The following GUCA1C variants were observed in gnomAD, a reference collection of about 807,000 sequenced individuals.
The protein encoded by GUCA1C is guanylyl cyclase-activating protein 3.
In GUCA1C, 15 loss-of-function variants were observed where a neutral mutation model predicts 16.2. The observed-to-expected ratio is 0.93, with a 90% CI of 0.62 to 1.43. The LOEUF is 1.43. Ranked by LOEUF, GUCA1C falls within the 40% of genes most tolerant of loss-of-function variation. The pLI is 0.00. For synonymous variants in GUCA1C, 78 were observed against 85.4 expected (o/e 0.91, Z 0.48); for missense variants, 275 against 244.8 (o/e 1.12, Z -0.82).
chr3:108,917,037 G>T (rs2593940), intron 2 of GUCA1C, among the ~76,000 whole-genome samples: 92,281 of 151,970 alleles, frequency 0.61, 28,199 homozygotes, highest in Middle Eastern at 0.68. Flanking sequence ...AGTTCCAGGA[G>T]TAATCATAAT....
At chr3:108,908,801 A>G (rs971564708) in intron 3 of GUCA1C, among the ~76,000 whole-genome samples, 2 of 152,170 alleles carry the variant, frequency 1.3e-5, no homozygotes, top group African/African-American at 2.4e-5. Flanking sequence ...TTATCGCCTT[A>G]TATCCATGTG....
At chr3:108,934,615 C>A (rs916543964) in intron 1 of GUCA1C, among the ~76,000 whole-genome samples, 1 of 152,110 alleles carries the variant, frequency 6.6e-6, no homozygotes, top group Non-Finnish European at 1.5e-5. Flanking sequence ...AGGAATCAAC[C>A]TAGGTGCCCA....
chr3:108,940,868 T>G (rs1946779139), intron 1 of GUCA1C, among the ~76,000 whole-genome samples: 1 of 152,140 alleles, frequency 6.6e-6, no homozygotes, highest in African/African-American at 2.4e-5. Context: ...GCAGCATAGG[T>G]CTTGTCCCAG....
At chr3:108,946,052 A>G (rs1946841142) in intron 1 of GUCA1C, among the ~76,000 whole-genome samples, 1 of 152,236 alleles carries the variant, frequency 6.6e-6, no homozygotes, top group African/African-American at 2.4e-5. Flanking sequence ...GAGCTAATGA[A>G]GGATTCGCCA....
intron 1 of GUCA1C, among the ~76,000 whole-genome samples, chr3:108,940,692 G>C (rs1946776829): frequency 6.6e-6 from 1 of 152,214 alleles, no homozygotes; most frequent in Non-Finnish European, 1.5e-5. Context: ...ATACAAGCTT[G>C]ATAAGAAGTA....
chr3:108,925,287 T>G (rs551839296), intron 1 of GUCA1C, among the ~76,000 whole-genome samples: 1 of 152,340 alleles, frequency 6.6e-6, no homozygotes, highest in South Asian at 2.1e-4. Flanking sequence ...TTAGCACCAC[T>G]TTTGCTGTAT....
intron 1 of GUCA1C, among the ~76,000 whole-genome samples, chr3:108,934,092 C>G (rs570032874): frequency 2.3e-4 from 35 of 152,058 alleles, no homozygotes; most frequent in Non-Finnish European, 4.4e-4. Context: ...AAACCAAACA[C>G]TGCATGTTCT....
At position 108,932,781 on chromosome 3, in the gene GUCA1C, C is replaced by T. The variant is rs533102774; in HGVS notation, c.205-12196G>A. 2.5e-3 allele frequency among the ~76,000 whole-genome samples: 374 copies of T among 151,856 alleles called. 3 individuals carry two copies. The highest frequency in any genetic ancestry group is 7.9e-3 in the African/African-American group (327 of 41,426). ...TACTAAACATACAGAATTAGCCGGGCGTGGCGGCGCATGCCTGTAATCCCA... is the reference window on the plus strand; with the variant it reads ...TACTAAACATACAGAATTAGCCGGGTGTGGCGGCGCATGCCTGTAATCCCA... On this transcript the variant is annotated intron_variant, in intron 1 of 3. Coordinates refer to ENST00000261047, the MANE Select transcript of GUCA1C (RefSeq NM_005459.4).
intron 2 of GUCA1C, 43 bp downstream of exon 2, chr3:108,920,393 A>T (rs2107284168): frequency 6.6e-7 from 1 of 1,508,076 alleles, no homozygotes; most frequent in Non-Finnish European, 9.2e-7. Context: ...AATTGGGTTA[A>T]CTATATAGCG....
intron 2 of GUCA1C, among the ~76,000 whole-genome samples, chr3:108,918,654 A>G (rs559818071): frequency 4.6e-5 from 7 of 152,274 alleles, no homozygotes; most frequent in African/African-American, 1.7e-4. Context: ...AGCTGTAACT[A>G]TCTCCTTTGT....
At chr3:108,945,449 T>C (rs1946834975) in intron 1 of GUCA1C, among the ~76,000 whole-genome samples, 1 of 152,222 alleles carries the variant, frequency 6.6e-6, no homozygotes, top group Non-Finnish European at 1.5e-5. Context: ...GGAGACTTTA[T>C]ATTTTGACAC....
chr3:108,908,616 C>T (rs1462436069), intron 3 of GUCA1C, among the ~76,000 whole-genome samples: 2 of 152,186 alleles, frequency 1.3e-5, no homozygotes, highest in Non-Finnish European at 2.9e-5. Context: ...ATATTCTTCT[C>T]TCTGAAGAAA....
At chr3:108,954,458 T>C (rs571484918), upstream of GUCA1C, among the ~76,000 whole-genome samples, 2 of 152,302 alleles carry the variant, frequency 1.3e-5, no homozygotes, top group South Asian at 2.1e-4. Flanking sequence ...CCACCCTCTG[T>C]TCTTACCTTT....
intron 1 of GUCA1C, among the ~76,000 whole-genome samples, chr3:108,943,042 A>C (rs1489214633): frequency 6.6e-6 from 1 of 152,234 alleles, no homozygotes; most frequent in Admixed American, 6.5e-5. Flanking sequence ...CTTAGCTCTC[A>C]AGTTTCAAAG....
chr3:108,922,632 A>T (rs1456982603), intron 1 of GUCA1C, among the ~76,000 whole-genome samples: 1 of 151,990 alleles, frequency 6.6e-6, no homozygotes, highest in Non-Finnish European at 1.5e-5. Flanking sequence ...GGCCATGTGT[A>T]TATCTTCTTT....
intron 1 of GUCA1C, among the ~76,000 whole-genome samples, chr3:108,927,467 T>C (rs976954778): frequency 6.1e-5 from 9 of 147,704 alleles, no homozygotes; most frequent in African/African-American, 2.3e-4. Flanking sequence ...CTGATTGGGT[T>C]AATTCAAAAG....
At chr3:108,923,954 C>A (rs903863164) in intron 1 of GUCA1C, among the ~76,000 whole-genome samples, 3 of 152,076 alleles carry the variant, frequency 2.0e-5, no homozygotes, top group African/African-American at 4.8e-5. Flanking sequence ...TCAGCTTGAT[C>A]GCTGTTGGTG....
At chr3:108,914,848 T>G (rs1169495369) in intron 3 of GUCA1C, among the ~76,000 whole-genome samples, 2 of 152,228 alleles carry the variant, frequency 1.3e-5, no homozygotes, top group Non-Finnish European at 2.9e-5. Context: ...CTCTGGTCCT[T>G]TCCTGGCTGC....
At chr3:108,941,791 G>A (rs1373330368) in intron 1 of GUCA1C, among the ~76,000 whole-genome samples, 2 of 152,200 alleles carry the variant, frequency 1.3e-5, no homozygotes, top group African/African-American at 4.8e-5. Flanking sequence ...CTGACTTTCT[G>A]CTCTGAGACT....
Sources: gnomAD v4.1 joint callset for allele counts (sites outside exome capture counted in the v4.1 genomes callset) on GRCh38, gnomAD v4.1.1 for gene constraint, MANE v1.5 for transcripts, NCBI Gene and HGNC (gene_info 2026-07-23, HGNC 2026-07-21) for gene names.